Variants in MAP3K2 observed in about 807,000 individuals in gnomAD.
MAP3K2 encodes MAP/ERK kinase kinase 2.
A neutral mutation model predicts 80.3 loss-of-function variants in MAP3K2; 24 were observed. That is an observed-to-expected ratio of 0.30 (90% confidence interval 0.22 to 0.42). The LOEUF (loss-of-function observed/expected upper bound fraction) is 0.42, where lower values mean the gene tolerates loss of function less well. Ranked by LOEUF, MAP3K2 falls within the 10% of genes least tolerant of loss-of-function variation. MAP3K2 has a pLI of 1.00. For missense variants in MAP3K2, 608 were observed against 750.1 expected (o/e 0.81, Z 2.21); for synonymous variants, 244 against 253.7 (o/e 0.96, Z 0.36).
Position 127,322,037 on chromosome 2 carries a change from A to G in MAP3K2, c.1045+9T>C, listed in dbSNP as rs1158240737. 3.1e-6 allele frequency: 5 copies of G among 1,609,254 alleles called. No homozygotes were observed. In the South Asian group the frequency reaches 3.3e-5, roughly 11 times the overall value. Reference sequence around the variant, plus strand: ...TCTACATTTCACTATACCAAGTTCTATTACTTACAACGGCTGGGTGGGCTG... The same window carrying G: ...TCTACATTTCACTATACCAAGTTCTGTTACTTACAACGGCTGGGTGGGCTG... On this transcript the variant is annotated intron_variant, in intron 12 of 16. Transcript: ENST00000682094. This position sits in a 1 kb window ranked among gnomAD's most constrained non-coding sequence, Gnocchi z 4.2.
chr2:127,344,833 A>G (rs1450464798), intron 1 of MAP3K2, among the ~76,000 whole-genome samples: 1 of 152,200 alleles, frequency 6.6e-6, no homozygotes, highest in African/African-American at 2.4e-5. Context: ...GGTCCCAAAC[A>G]TTTTGACCTG....
Position 127,299,735 on chromosome 2 carries a change from T to A in MAP3K2, c.*7844A>T, listed in dbSNP as rs764885743. On this transcript the variant is annotated 3_prime_UTR_variant, in exon 17 of 17. Coordinates refer to ENST00000682094, the MANE Select transcript of MAP3K2 (RefSeq NM_001371910.2). Reference sequence around the variant, plus strand: ...TTGCATTCAATTCTGAAAATACAAATACATTTTGAATGGCTAAAAACAAAA... The same window carrying A: ...TTGCATTCAATTCTGAAAATACAAAAACATTTTGAATGGCTAAAAACAAAA... 1.3e-5 allele frequency: 2 copies of A among 152,154 alleles called. No homozygotes were observed. The highest frequency in any genetic ancestry group is 2.9e-5 in the Non-Finnish European group (2 of 67,990). 9.4% of individuals were successfully genotyped at this position (152,154 alleles called of 1,614,324 possible).
At chr2:127,378,744 T>C (rs1466635077) in intron 1 of MAP3K2, among the ~76,000 whole-genome samples, 1 of 152,052 alleles carries the variant, frequency 6.6e-6, no homozygotes, top group African/African-American at 2.4e-5. Flanking sequence ...TACATCTATA[T>C]GGTTTTTGTG....
intron 15 of MAP3K2, among the ~76,000 whole-genome samples, chr2:127,309,287 T>C (rs924030027): frequency 8.5e-5 from 13 of 152,192 alleles, no homozygotes; most frequent in African/African-American, 2.9e-4. Flanking sequence ...TTAATTTTAC[T>C]TCCCAATTTC....
Position 127,387,539 on chromosome 2 carries a change from C to T in MAP3K2, c.-153G>A, listed in dbSNP as rs1042692502. On this transcript the variant is annotated 5_prime_UTR_variant, in exon 1 of 17. Transcript: ENST00000682094. ...GCCCCTCCGCCCCAGCGCGGCCTGT[C>T]ACCGCGGCCCCAGGTCGGGGGCTGC... 4 of 984,838 alleles carry T rather than the reference C, an allele frequency of 4.1e-6. No homozygotes were observed. The highest frequency in any genetic ancestry group is 2.3e-4 in the East Asian group (2 of 8,766). 61.0% of individuals were successfully genotyped at this position (984,838 alleles called of 1,614,324 possible).
intron 1 of MAP3K2, among the ~76,000 whole-genome samples, chr2:127,344,321 A>T (rs1686555918): frequency 6.6e-6 from 1 of 152,112 alleles, no homozygotes; most frequent in African/African-American, 2.4e-5. Context: ...CTACAAGGGT[A>T]ATAATAGAAA....
At chr2:127,312,485 A>C (rs556617282) in intron 15 of MAP3K2, among the ~76,000 whole-genome samples, 1 of 152,220 alleles carries the variant, frequency 6.6e-6, no homozygotes, top group South Asian at 2.1e-4. Flanking sequence ...ACATAGCAAT[A>C]CCCTATCTCT....
chr2:127,308,488 T>G, intron 16 of MAP3K2, 97 bp downstream of exon 16: 1 of 1,116,366 alleles, frequency 9.0e-7, no homozygotes, highest in Non-Finnish European at 1.3e-6. Context: ...ATTTTGGAAG[T>G]ACAAAAGATT....
chr2:127,372,952 G>A (rs897344432), intron 1 of MAP3K2, among the ~76,000 whole-genome samples: 4 of 152,212 alleles, frequency 2.6e-5, no homozygotes, highest in African/African-American at 9.6e-5. Flanking sequence ...CCCTTCAGCA[G>A]GGGCTCCCCT....
intron 1 of MAP3K2, among the ~76,000 whole-genome samples, chr2:127,368,029 T>C (rs984369761): frequency 6.6e-6 from 1 of 151,730 alleles, no homozygotes; most frequent in Non-Finnish European, 1.5e-5. Flanking sequence ...TCATATAAAA[T>C]GGCAAGTATC....
intron 9 of MAP3K2, among the ~76,000 whole-genome samples, chr2:127,324,475 G>T (rs1028125389): frequency 1.3e-5 from 2 of 152,152 alleles, no homozygotes; most frequent in African/African-American, 4.8e-5. Flanking sequence ...GACGTATTTT[G>T]GAATCATTAG....
chr2:127,348,116 T>C (rs1013867099), intron 1 of MAP3K2, among the ~76,000 whole-genome samples: 1 of 152,134 alleles, frequency 6.6e-6, no homozygotes, highest in African/African-American at 2.4e-5. Flanking sequence ...TGTGGTGGCT[T>C]ACAGATTACA....
At chr2:127,367,338 T>C (rs554939990) in intron 1 of MAP3K2, among the ~76,000 whole-genome samples, 1 of 152,318 alleles carries the variant, frequency 6.6e-6, no homozygotes, top group East Asian at 1.9e-4. Context: ...CAATAAGATA[T>C]TATTAACTTT....
intron 1 of MAP3K2, among the ~76,000 whole-genome samples, chr2:127,386,484 G>T (rs1363488104): frequency 6.6e-6 from 1 of 152,154 alleles, no homozygotes; most frequent in South Asian, 2.1e-4. Context: ...TTGCAACAAG[G>T]AAATCTCAAG....
At chr2:127,368,261 G>A (rs1687006147) in intron 1 of MAP3K2, among the ~76,000 whole-genome samples, 2 of 151,884 alleles carry the variant, frequency 1.3e-5, no homozygotes, top group Non-Finnish European at 2.9e-5. Flanking sequence ...GGCAGAGGCT[G>A]CAGTGAGCCG....
Position 127,343,181 on chromosome 2 carries a change from G to A in MAP3K2, c.-52C>T. On this transcript the variant is annotated 5_prime_UTR_variant, in exon 2 of 17. Transcript: ENST00000682094. ...AATTAGGAAAATGGTTCTCCCATCAGCATTCTTTATGGCCTGAGAAGATAA... is the reference window on the plus strand; with the variant it reads ...AATTAGGAAAATGGTTCTCCCATCAACATTCTTTATGGCCTGAGAAGATAA... The A allele has an allele frequency of 6.8e-7, 1 of 1,472,682 alleles. No homozygotes were observed. The highest frequency in any genetic ancestry group is 9.3e-7 in the Non-Finnish European group (1 of 1,076,246). 91.2% of individuals were successfully genotyped at this position (1,472,682 alleles called of 1,614,324 possible). A position where few individuals can be genotyped will look rare whatever the true frequency, so the allele number is the denominator to read the frequency against.
chr2:127,326,648 C>A, intron 8 of MAP3K2, 39 bp downstream of exon 8: 1 of 1,457,902 alleles, frequency 6.9e-7, no homozygotes, highest in Non-Finnish European at 9.1e-7. Flanking sequence ...CTGACAACAT[C>A]TCTTTAAATT....
chr2:127,303,004 G>T lies in MAP3K2; in HGVS notation c.*4575C>A, dbSNP rs1685627203. On this transcript the variant is annotated 3_prime_UTR_variant, in exon 17 of 17. Coordinates refer to ENST00000682094, the MANE Select transcript of MAP3K2 (RefSeq NM_001371910.2). ...TGAACTTGTGAAGCCTACTGATTTTGGAAAAAATCTTCATTTTGGTGGGTA... is the reference window on the plus strand; with the variant it reads ...TGAACTTGTGAAGCCTACTGATTTTTGAAAAAATCTTCATTTTGGTGGGTA... The T allele has an allele frequency of 2.6e-5, 4 of 151,666 alleles. No individual in the cohort carries two copies. In the South Asian group the frequency reaches 8.3e-4, roughly 32 times the overall value. 9.4% of individuals were successfully genotyped at this position (151,666 alleles called of 1,614,324 possible).
chr2:127,356,238 G>A lies in MAP3K2; in HGVS notation c.-65-13044C>T, dbSNP rs1387097677. Among the ~76,000 whole-genome samples, 4 of 152,212 alleles carry A rather than the reference G, an allele frequency of 2.6e-5. No homozygotes were observed. In the East Asian group the frequency reaches 7.7e-4, roughly 29 times the overall value. The stretch of plus-strand genomic sequence containing the variant: ...CAATGTTCTTAATGGCACCTAGAAT[G>A]ATGAATCCTTTCCAGAAGGTTTTCA... On this transcript the variant is annotated intron_variant, in intron 1 of 16. Transcript: ENST00000682094.
Sources: allele counts gnomAD v4.1 joint callset (sites outside exome capture counted in the v4.1 genomes callset), GRCh38; gene constraint gnomAD v4.1.1; non-coding constraint Gnocchi (gnomAD v3.1); transcripts MANE v1.5; gene names NCBI Gene and HGNC (gene_info 2026-07-23, HGNC 2026-07-21).